The following FHOD3 variants were observed in gnomAD, a reference collection of about 807,000 sequenced individuals.
FHOD3 encodes the protein formin homology 2 domain containing 3, also known as FH1/FH2 domain-containing protein 3.
In FHOD3, 90 loss-of-function variants were observed where a neutral mutation model predicts 173.0. That is an observed-to-expected ratio of 0.52 (90% CI 0.44 to 0.62). The LOEUF (loss-of-function observed/expected upper bound fraction) is 0.62, where lower values mean the gene tolerates loss of function less well. Among genes scored for constraint, FHOD3 ranks in the 20% least tolerant of loss-of-function variants. The pLI, the probability that FHOD3 is intolerant of heterozygous loss-of-function variation, is 0.00. For missense variants in FHOD3, 1,945 were observed against 2,034.7 expected (o/e 0.96, Z 0.85); for synonymous variants, 828 against 823.0 (o/e 1.01, Z -0.10).
intron 10 of FHOD3, among the ~76,000 whole-genome samples, chr18:36,636,656 G>GTT (rs34551927): frequency 0.025 from 3,488 of 141,880 alleles, 142 homozygotes; most frequent in African/African-American, 0.085. Context: ...CATTCCTGAG[G>GTT]TTTTTTTTTT....
At chr18:36,530,409 G>T (rs926073886) in intron 5 of FHOD3, among the ~76,000 whole-genome samples, 5 of 152,164 alleles carry the variant, frequency 3.3e-5, no homozygotes, top group African/African-American at 1.2e-4. Flanking sequence ...TAGGGCAGGG[G>T]CATCATCTAT....
At chr18:36,390,168 GGA>G (rs2048229047) in intron 3 of FHOD3, among the ~76,000 whole-genome samples, 1 of 152,154 alleles carries the variant, frequency 6.6e-6, no homozygotes, top group Non-Finnish European at 1.5e-5. Flanking sequence ...CTGTAGGTAT[GGA>G]GCTGAATTGT....
intron 1 of FHOD3, among the ~76,000 whole-genome samples, chr18:36,315,857 G>A (rs974990337): frequency 1.3e-5 from 2 of 152,144 alleles, no homozygotes; most frequent in Admixed American, 6.5e-5. Context: ...TTGGTTACCT[G>A]ATTGGTGTCT....
intron 5 of FHOD3, among the ~76,000 whole-genome samples, chr18:36,565,157 A>G (rs538859735): frequency 6.6e-6 from 1 of 152,320 alleles, no homozygotes; most frequent in South Asian, 2.1e-4. Flanking sequence ...TTTAGTTCCA[A>G]GAATGTCAAC....
chr18:36,530,832 C>T (rs936304375), intron 5 of FHOD3, among the ~76,000 whole-genome samples: 1 of 152,200 alleles, frequency 6.6e-6, no homozygotes, highest in Non-Finnish European at 1.5e-5. Context: ...AGGAGTCTTG[C>T]ATTCATCCTG....
chr18:36,620,712 A>C (rs947162037), intron 9 of FHOD3, among the ~76,000 whole-genome samples: 1 of 152,254 alleles, frequency 6.6e-6, no homozygotes, highest in Non-Finnish European at 1.5e-5. Flanking sequence ...GTTGGAAAGC[A>C]GTCACCTTAA....
intron 17 of FHOD3, 116 bp downstream of exon 17, chr18:36,693,539 A>C: frequency 1.0e-6 from 1 of 952,788 alleles, no homozygotes; most frequent in Non-Finnish European, 1.6e-6. Flanking sequence ...CTATGGGTAC[A>C]CTTTGTTGGG....
chr18:36,545,233 C>G (rs2057369219), intron 5 of FHOD3, among the ~76,000 whole-genome samples: 1 of 152,222 alleles, frequency 6.6e-6, no homozygotes, highest in Admixed American at 6.5e-5. Flanking sequence ...ACACATGGCT[C>G]TGCCTCATGG....
At chr18:36,692,364 C>G (rs2039018622) in intron 16 of FHOD3, among the ~76,000 whole-genome samples, 1 of 152,082 alleles carries the variant, frequency 6.6e-6, no homozygotes, top group Non-Finnish European at 1.5e-5. Flanking sequence ...TAGTAAGAAA[C>G]CTGTTACAGC....
intron 6 of FHOD3, among the ~76,000 whole-genome samples, chr18:36,578,748 G>A (rs1249695711): frequency 1.3e-5 from 2 of 152,150 alleles, no homozygotes; most frequent in African/African-American, 2.4e-5. Context: ...CAGAATCCTG[G>A]TGATTGTGTC....
chr18:36,725,078 A>G (rs1054144055), intron 19 of FHOD3, among the ~76,000 whole-genome samples: 5 of 152,144 alleles, frequency 3.3e-5, no homozygotes, highest in Non-Finnish European at 7.3e-5. Flanking sequence ...CCACCCAAAG[A>G]TAGTTGTTCC....
chr18:36,440,484 C>T (rs141474252), intron 3 of FHOD3, among the ~76,000 whole-genome samples: 4 of 152,168 alleles, frequency 2.6e-5, no homozygotes, highest in Non-Finnish European at 4.4e-5. Flanking sequence ...CGCTGCCCGC[C>T]TCCTCTGAGT....
At chr18:36,771,567 T>C (rs893874432) in intron 28 of FHOD3, among the ~76,000 whole-genome samples, 2 of 152,218 alleles carry the variant, frequency 1.3e-5, no homozygotes, top group African/African-American at 4.8e-5. Flanking sequence ...TCCAAAAGAT[T>C]TTTTGAGGTC....
chr18:36,717,227 T>C (rs530678990), intron 18 of FHOD3, among the ~76,000 whole-genome samples: 2 of 152,128 alleles, frequency 1.3e-5, no homozygotes, highest in East Asian at 3.9e-4. Flanking sequence ...TGAGACGGGC[T>C]AGGAGGTTAG....
At chr18:36,352,812 C>G (rs1007982551) in intron 1 of FHOD3, among the ~76,000 whole-genome samples, 77 of 152,326 alleles carry the variant, frequency 5.1e-4, no homozygotes, top group African/African-American at 1.8e-3. Context: ...AGTGTTGATA[C>G]TATCAGCTGA....
Position 36,549,065 on chromosome 18 carries a change from C to G in FHOD3, c.512-27386C>G, listed in dbSNP as rs148730127. On this transcript the variant is annotated intron_variant, in intron 5 of 28. Transcript: ENST00000590592. ...AGTGTTGTATGAGAGTCTAGTTCAT[C>G]TACATTCTTTCCAACACTTGGTGTG... is the stretch of plus-strand genomic sequence containing the variant. 2.5e-3 allele frequency among the ~76,000 whole-genome samples: 377 copies of G among 152,338 alleles called. 2 individuals are homozygous for G. Among genetic ancestry groups the G allele is most frequent in the Non-Finnish European group, 4.0e-3 (270 of 68,032 alleles).
At chr18:36,691,468 T>C (rs1007510700) in intron 16 of FHOD3, among the ~76,000 whole-genome samples, 2 of 152,226 alleles carry the variant, frequency 1.3e-5, no homozygotes, top group Admixed American at 1.3e-4. Flanking sequence ...ATTTAACACA[T>C]ACCTGCTGGA....
Position 36,451,236 on chromosome 18 carries a change from G to A in FHOD3, c.338-50696G>A, listed in dbSNP as rs74559050. Among the ~76,000 whole-genome samples, 4 of 152,256 alleles carry A rather than the reference G, an allele frequency of 2.6e-5. No individual in the cohort carries two copies. The East Asian group carries it at 5.8e-4, about 22-fold the overall frequency. On this transcript the variant is annotated intron_variant, in intron 3 of 28. Coordinates refer to ENST00000590592, the MANE Select transcript of FHOD3 (RefSeq NM_001281740.3). The stretch of plus-strand genomic sequence containing the variant: ...CTAATGAACATTTCATGGCTCCATG[G>A]TGGTCATCACTAATTGTAATATGAC...
At chr18:36,563,339 C>T (rs118029554) in intron 5 of FHOD3, among the ~76,000 whole-genome samples, 261 of 152,302 alleles carry the variant, frequency 1.7e-3, no homozygotes, top group Non-Finnish European at 3.0e-3. Context: ...CTAGTGAAAG[C>T]TTGCTCCCTA....
Sources: allele counts gnomAD v4.1 joint callset (sites outside exome capture counted in the v4.1 genomes callset), GRCh38; gene constraint gnomAD v4.1.1; transcripts MANE v1.5; gene names NCBI Gene and HGNC (gene_info 2026-07-23, HGNC 2026-07-21).